PRKG1: variants seen among roughly 807,000 people sequenced by gnomAD.
The protein encoded by PRKG1 is cGMP-dependent protein kinase 1.
Under a neutral mutation model 88.1 loss-of-function variants are expected in PRKG1, and 35 were observed. The ratio of observed to expected loss-of-function variants is 0.40; its 90% CI spans 0.30 to 0.53. The LOEUF (loss-of-function observed/expected upper bound fraction) is 0.53. Among genes scored for constraint, PRKG1 ranks in the 20% least tolerant of loss-of-function variants. PRKG1 has a pLI of 0.59. For synonymous variants in PRKG1, 303 were observed against 292.5 expected (o/e 1.04, Z -0.37); for missense variants, 540 against 839.8 (o/e 0.64, Z 4.41).
At chr10:51,639,221 T>C (rs556334043) in intron 3 of PRKG1, among the ~76,000 whole-genome samples, 6 of 151,294 alleles carry the variant, frequency 4.0e-5, no homozygotes, top group African/African-American at 1.5e-4. Context: ...GATAACGAGG[T>C]GAGGAGATCG....
intron 1 of PRKG1, among the ~76,000 whole-genome samples, chr10:51,095,465 CCT>C (rs1302259376): frequency 6.6e-6 from 1 of 152,092 alleles, no homozygotes; most frequent in Non-Finnish European, 1.5e-5. Flanking sequence ...ATTGTAATTC[CCT>C]GTTTCCTTAG....
At chr10:51,131,983 A>C (rs1301675862) in intron 1 of PRKG1, among the ~76,000 whole-genome samples, 1 of 152,134 alleles carries the variant, frequency 6.6e-6, no homozygotes, top group African/African-American at 2.4e-5. Context: ...TCAAACATAC[A>C]ATAAATAGAT....
In PRKG1 at chr10:52,231,723, G is replaced by A. The variant is rs75312668; in HGVS notation, c.1077-19847G>A. ...CTGTATACAAATGTATTTCCTAAAC[G>A]CACATGAGAATATATGTTAGCAGCC... On this transcript the variant is annotated intron_variant, in intron 9 of 17. Transcript: ENST00000373980. 4.2e-3 allele frequency among the ~76,000 whole-genome samples: 646 copies of A among 152,208 alleles called. 6 individuals carry two copies. Among genetic ancestry groups the A allele is most frequent in the African/African-American group, 0.015 (610 of 41,526 alleles).
chr10:51,822,114 C>A (rs1021862957), intron 4 of PRKG1, among the ~76,000 whole-genome samples: 3 of 151,438 alleles, frequency 2.0e-5, no homozygotes, highest in African/African-American at 7.3e-5. Context: ...TATATATACA[C>A]ACATATATAT....
intron 1 of PRKG1, among the ~76,000 whole-genome samples, chr10:51,105,168 G>C (rs1446556546): frequency 1.3e-5 from 2 of 152,174 alleles, no homozygotes; most frequent in Non-Finnish European, 2.9e-5. Flanking sequence ...ACTGCACCCA[G>C]CCCAGTCTTT....
intron 3 of PRKG1, among the ~76,000 whole-genome samples, chr10:51,618,623 C>G (rs1017437850): frequency 3.3e-5 from 5 of 152,116 alleles, no homozygotes; most frequent in Admixed American, 6.6e-5. Context: ...GAAACTGAAG[C>G]ATAAGAAAGT....
rs1394380001 is a variant in PRKG1, at chr10:51,388,682, A to G, written c.479-79041A>G. On this transcript the variant is annotated intron_variant, in intron 2 of 17. Transcript: ENST00000373980. ...GCCTCTAGATTGTTTTGGTAACTTT[A>G]TAATTCTATAACATATTTTATAAAA... Among the ~76,000 whole-genome samples, 5 of 152,240 alleles carry G rather than the reference A, an allele frequency of 3.3e-5. 1 individual carries two copies. In the South Asian group the frequency reaches 6.2e-4, roughly 19 times the overall value.
chr10:52,084,730 G>C (rs923421647), intron 7 of PRKG1, among the ~76,000 whole-genome samples: 3 of 151,976 alleles, frequency 2.0e-5, no homozygotes, highest in African/African-American at 7.2e-5. Flanking sequence ...CAAGAAATTT[G>C]ACATAGATAT....
At chr10:51,725,789 A>G (rs540810430) in intron 3 of PRKG1, among the ~76,000 whole-genome samples, 7 of 152,068 alleles carry the variant, frequency 4.6e-5, no homozygotes, top group South Asian at 2.1e-4. Context: ...ACATGCCACC[A>G]TGCCTGGCTA....
intron 5 of PRKG1, among the ~76,000 whole-genome samples, chr10:51,970,534 C>T (rs1904033): frequency 0.66 from 100,169 of 150,642 alleles, 34,791 homozygotes; most frequent in Non-Finnish European, 0.75. Context: ...TGAACTCTCA[C>T]GTATGACTCA....
At chr10:51,540,705 A>G (rs1345012052) in intron 3 of PRKG1, among the ~76,000 whole-genome samples, 2 of 151,784 alleles carry the variant, frequency 1.3e-5, no homozygotes, top group Non-Finnish European at 2.9e-5. Context: ...TTTCCAGTAT[A>G]GTAGTTTTTT....
intron 2 of PRKG1, among the ~76,000 whole-genome samples, chr10:51,197,632 C>T (rs1303562490): frequency 6.6e-6 from 1 of 151,766 alleles, no homozygotes; most frequent in East Asian, 2.0e-4. Flanking sequence ...CTGAGGTACA[C>T]ATATGTAGCA....
intron 3 of PRKG1, among the ~76,000 whole-genome samples, chr10:51,525,120 G>A (rs931577417): frequency 1.8e-4 from 27 of 151,800 alleles, no homozygotes; most frequent in African/African-American, 4.4e-4. Flanking sequence ...ATGTGCACAC[G>A]AGAGAGACAG....
chr10:51,261,781 G>A (rs547603577), intron 2 of PRKG1, among the ~76,000 whole-genome samples: 1 of 151,868 alleles, frequency 6.6e-6, no homozygotes, highest in Non-Finnish European at 1.5e-5. Context: ...GGTGGGGATT[G>A]TTGCAAACTG....
At chr10:51,775,659 A>G (rs1034186698) in intron 3 of PRKG1, among the ~76,000 whole-genome samples, 1 of 151,842 alleles carries the variant, frequency 6.6e-6, no homozygotes, top group African/African-American at 2.4e-5. Context: ...ATCTCGGCTC[A>G]CTGTAACCAC....
intron 7 of PRKG1, among the ~76,000 whole-genome samples, chr10:52,110,220 T>G (rs1589614588): frequency 1.3e-5 from 2 of 151,710 alleles, no homozygotes; most frequent in South Asian, 2.1e-4. Context: ...TGGTGGCGGG[T>G]GCCTGTAGTC....
intron 14 of PRKG1, among the ~76,000 whole-genome samples, chr10:52,285,742 A>G (rs1367571932): frequency 6.6e-6 from 1 of 152,086 alleles, no homozygotes; most frequent in Non-Finnish European, 1.5e-5. Context: ...AGTAACCTCT[A>G]AGATATTTGC....
At chr10:51,325,614 C>T (rs211081) in intron 2 of PRKG1, among the ~76,000 whole-genome samples, 81,441 of 152,060 alleles carry the variant, frequency 0.54, 21,873 homozygotes, top group Middle Eastern at 0.58. Context: ...GCTTTTTAGC[C>T]CATTGTAATT....
In PRKG1 at chr10:52,069,550, A is replaced by G. The variant is rs536829050; in HGVS notation, c.935+6919A>G. Reference sequence around the variant, plus strand: ...ATCTCAAAAACAAAAAAGAAAAGATAAAACAATAAAATTATAGTACAGAAA... The same window carrying G: ...ATCTCAAAAACAAAAAAGAAAAGATGAAACAATAAAATTATAGTACAGAAA... On this transcript the variant is annotated intron_variant, in intron 7 of 17. Coordinates refer to ENST00000373980, the MANE Select transcript of PRKG1 (RefSeq NM_006258.4). Among the ~76,000 whole-genome samples, 330 of 148,612 alleles carry G rather than the reference A, an allele frequency of 2.2e-3. 2 individuals carry two copies. The highest frequency in any genetic ancestry group is 3.7e-3 in the South Asian group (17 of 4,564).
Sources: allele counts gnomAD v4.1 joint callset (sites outside exome capture counted in the v4.1 genomes callset), GRCh38; gene constraint gnomAD v4.1.1; transcripts MANE v1.5; gene names NCBI Gene and HGNC (gene_info 2026-07-23, HGNC 2026-07-21).